Variants in KCNB2 observed in about 807,000 individuals in gnomAD.
The protein encoded by KCNB2 is potassium voltage-gated channel subfamily B member 2.
In KCNB2, 15 loss-of-function variants were observed where a neutral mutation model predicts 61.5. The observed-to-expected ratio is 0.24, with a 90% confidence interval of 0.16 to 0.38. The LOEUF (loss-of-function observed/expected upper bound fraction) is 0.38, where lower values mean the gene tolerates loss of function less well. Among genes scored for constraint, KCNB2 ranks in the 10% least tolerant of loss-of-function variants. KCNB2 has a pLI of 1.00. For missense variants in KCNB2, 828 were observed against 1,125.2 expected, an observed-to-expected ratio of 0.74 and a Z score of 3.78; for synonymous variants, 457 against 446.0, an observed-to-expected ratio of 1.02 and a Z score of -0.31.
At chr8:72,781,880 A>G (rs1400782209) in intron 2 of KCNB2, among the ~76,000 whole-genome samples, 1 of 152,146 alleles carries the variant, frequency 6.6e-6, no homozygotes, top group Admixed American at 6.6e-5. Context: ...AAAACACTGC[A>G]TGTTCTCGCT....
intron 2 of KCNB2, among the ~76,000 whole-genome samples, chr8:72,775,343 G>T (rs1488917142): frequency 6.6e-6 from 1 of 152,166 alleles, no homozygotes; most frequent in Non-Finnish European, 1.5e-5. Context: ...TACTGTGCCT[G>T]CAGAGCAAAG....
At chr8:72,768,053 A>C (rs1808490443) in intron 2 of KCNB2, among the ~76,000 whole-genome samples, 1 of 152,068 alleles carries the variant, frequency 6.6e-6, no homozygotes, top group African/African-American at 2.4e-5. Flanking sequence ...GCTTATTGTT[A>C]ATTGTATTTA....
chr8:72,758,404 G>T (rs988650163), intron 2 of KCNB2, among the ~76,000 whole-genome samples: 1 of 152,166 alleles, frequency 6.6e-6, no homozygotes, highest in Non-Finnish European at 1.5e-5. Context: ...GTCCAGGCAG[G>T]CAAGGATGCT....
intron 2 of KCNB2, among the ~76,000 whole-genome samples, chr8:72,907,138 C>A (rs1015709453): frequency 1.3e-5 from 2 of 152,132 alleles, no homozygotes; most frequent in Non-Finnish European, 2.9e-5. Flanking sequence ...GGAGGTGGAT[C>A]ACGAGGTCAA....
chr8:72,851,840 A>AAAAAAAAAAAAAAAAAAAAAAAC (rs1554538995), intron 2 of KCNB2, among the ~76,000 whole-genome samples: 6 of 134,538 alleles, frequency 4.5e-5, no homozygotes, highest in African/African-American at 1.5e-4. Context: ...AAAAAAAAAA[A>AAAAAAAAAAAAAAAAAAAAAAAC]AAAAAAAACA....
At chr8:72,552,325 A>C (rs932038637) in intron 1 of KCNB2, among the ~76,000 whole-genome samples, 4 of 152,218 alleles carry the variant, frequency 2.6e-5, no homozygotes, top group African/African-American at 9.6e-5. Flanking sequence ...AGTGCTTCCC[A>C]ATAGAACTTG....
At chr8:72,802,098 T>C (rs1359202075) in intron 2 of KCNB2, among the ~76,000 whole-genome samples, 2 of 152,240 alleles carry the variant, frequency 1.3e-5, no homozygotes, top group African/African-American at 4.8e-5. Context: ...TTTTAATTGG[T>C]TTCAGAACTT....
chr8:72,759,265 A>C (rs887370641), intron 2 of KCNB2, among the ~76,000 whole-genome samples: 4 of 152,200 alleles, frequency 2.6e-5, no homozygotes, highest in African/African-American at 4.8e-5. Flanking sequence ...ATTACATAAT[A>C]AAATACGGAA....
intron 2 of KCNB2, among the ~76,000 whole-genome samples, chr8:72,883,440 A>T (rs1175677682): frequency 6.6e-6 from 1 of 152,134 alleles, no homozygotes; most frequent in Non-Finnish European, 1.5e-5. Flanking sequence ...GCTGCATTTC[A>T]CTTCAGTTGT....
intron 1 of KCNB2, among the ~76,000 whole-genome samples, chr8:72,543,156 T>C (rs1806213648): frequency 6.6e-6 from 1 of 152,160 alleles, no homozygotes; most frequent in Non-Finnish European, 1.5e-5. Flanking sequence ...TGAAATAATA[T>C]GTATAGATAA....
intron 1 of KCNB2, among the ~76,000 whole-genome samples, chr8:72,547,364 T>C (rs1563519368): frequency 6.6e-6 from 1 of 152,200 alleles, no homozygotes; most frequent in African/African-American, 2.4e-5. Flanking sequence ...AAATACCTTT[T>C]ATAAGGCTAT....
At chr8:72,814,195 T>A (rs1809351593) in intron 2 of KCNB2, among the ~76,000 whole-genome samples, 1 of 152,238 alleles carries the variant, frequency 6.6e-6, no homozygotes, top group South Asian at 2.1e-4. Context: ...TTATCATTGC[T>A]GTATAAGTAT....
At chr8:72,716,008 C>T (rs1213801287) in intron 2 of KCNB2, among the ~76,000 whole-genome samples, 4 of 152,184 alleles carry the variant, frequency 2.6e-5, no homozygotes, top group Admixed American at 2.0e-4. Context: ...GAAATACAAA[C>T]TACCATCAGA....
chr8:72,887,033 C>G, intron 2 of KCNB2, among the ~76,000 whole-genome samples: 1 of 152,134 alleles, frequency 6.6e-6, no homozygotes, highest in East Asian at 1.9e-4. Context: ...AGGATATATT[C>G]TGTTTATGGT....
intron 2 of KCNB2, among the ~76,000 whole-genome samples, chr8:72,884,110 AC>A (rs1805763711): frequency 2.0e-5 from 3 of 152,098 alleles, no homozygotes; most frequent in Admixed American, 2.0e-4. Flanking sequence ...CTAATTTGGG[AC>A]AATATGAGGA....
chr8:72,540,789 T>TGGG lies in KCNB2; in HGVS notation c.-94+2904_-94+2905insGGG, dbSNP rs1221796707. Among the ~76,000 whole-genome samples, 628 of 152,258 alleles carry TGGG rather than the reference T, an allele frequency of 4.1e-3. 9 individuals carry two copies. The highest frequency in any genetic ancestry group is 0.014 in the African/African-American group (593 of 41,568). On this transcript the variant is annotated intron_variant, in intron 1 of 2. Coordinates refer to ENST00000523207, the MANE Select transcript of KCNB2 (RefSeq NM_004770.3). ...TTGACTTGTGTAAGCCAAACCCTCT[T>TGGG]ATATTATCTTAAAAAGTGCGTATTC... is the stretch of plus-strand genomic sequence containing the variant.
At chr8:72,815,620 A>G (rs965513411) in intron 2 of KCNB2, among the ~76,000 whole-genome samples, 25 of 152,322 alleles carry the variant, frequency 1.6e-4, no homozygotes, top group African/African-American at 4.8e-4. Context: ...CTAGGTTAAT[A>G]CTTTCCTTAG....
chr8:72,689,627 C>T (rs1806909635), intron 2 of KCNB2, among the ~76,000 whole-genome samples: 1 of 152,158 alleles, frequency 6.6e-6, no homozygotes, highest in African/African-American at 2.4e-5. Context: ...CTTTTCTGGA[C>T]ATTTCCATAA....
chr8:72,676,790 A>G (rs1429318805), intron 2 of KCNB2, among the ~76,000 whole-genome samples: 1 of 152,110 alleles, frequency 6.6e-6, no homozygotes, highest in African/African-American at 2.4e-5. Context: ...TTAAGCAATC[A>G]CAGGAGAACT....
Sources: allele counts gnomAD v4.1 joint callset (sites outside exome capture counted in the v4.1 genomes callset), GRCh38; gene constraint gnomAD v4.1.1; transcripts MANE v1.5; gene names NCBI Gene and HGNC (gene_info 2026-07-23, HGNC 2026-07-21).